KLHDC10: variants seen among roughly 807,000 people sequenced by gnomAD.
KLHDC10 encodes kelch domain containing 10.
A neutral mutation model predicts 56.1 loss-of-function variants in KLHDC10; 24 were observed. The ratio of observed to expected loss-of-function variants is 0.43; its 90% CI spans 0.31 to 0.60. The LOEUF is 0.60. KLHDC10 is among the 20% of genes least tolerant of loss of function. The pLI, the probability that KLHDC10 is intolerant of heterozygous loss-of-function variation, is 0.11. For synonymous variants in KLHDC10, 188 were observed against 207.1 expected (o/e 0.91, Z 0.79); for missense variants, 349 against 567.0 (o/e 0.62, Z 3.91).
intron 1 of KLHDC10, among the ~76,000 whole-genome samples, chr7:130,076,207 G>T (rs1212142910): frequency 6.6e-6 from 1 of 152,062 alleles, no homozygotes; most frequent in African/African-American, 2.4e-5. Flanking sequence ...TCTGACAGGA[G>T]GCCAAGCTCT....
At chr7:130,072,120 A>G (rs1018362902) in intron 1 of KLHDC10, among the ~76,000 whole-genome samples, 19 of 152,264 alleles carry the variant, frequency 1.2e-4, no homozygotes, top group African/African-American at 4.3e-4. Flanking sequence ...AAAAGGAGCA[A>G]TCTTTTTTCT....
intron 1 of KLHDC10, among the ~76,000 whole-genome samples, chr7:130,093,505 C>T (rs577051784): frequency 6.6e-6 from 1 of 152,256 alleles, no homozygotes; most frequent in South Asian, 2.1e-4. Flanking sequence ...GGAGTACAGG[C>T]ATGAGCCACC....
chr7:130,087,367 C>T (rs535318246), intron 1 of KLHDC10, among the ~76,000 whole-genome samples: 1 of 152,204 alleles, frequency 6.6e-6, no homozygotes, highest in East Asian at 1.9e-4. Context: ...CAGTAGCTTC[C>T]TGCTGCATTT....
chr7:130,111,449 A>G (rs1796099086), intron 2 of KLHDC10, among the ~76,000 whole-genome samples: 1 of 152,180 alleles, frequency 6.6e-6, no homozygotes, highest in South Asian at 2.1e-4. Flanking sequence ...TATGCCTGTG[A>G]TCCCAGCACT....
At chr7:130,091,189 G>A (rs999951778) in intron 1 of KLHDC10, among the ~76,000 whole-genome samples, 1 of 152,070 alleles carries the variant, frequency 6.6e-6, no homozygotes, top group Non-Finnish European at 1.5e-5. Context: ...CATTTCTCTG[G>A]GGTAAATGGC....
intron 1 of KLHDC10, among the ~76,000 whole-genome samples, chr7:130,078,035 A>G (rs925898746): frequency 6.6e-6 from 1 of 152,072 alleles, no homozygotes; most frequent in Admixed American, 6.6e-5. Context: ...ATTACTGAAT[A>G]ATGATAATTT....
Position 130,090,225 on chromosome 7 carries a change from T to A in KLHDC10, c.167-6696T>A, listed in dbSNP as rs116769841. 8.5e-3 allele frequency among the ~76,000 whole-genome samples: 1,293 copies of A among 152,282 alleles called. 14 individuals are homozygous for A. Among genetic ancestry groups the A allele is most frequent in the African/African-American group, 0.03 (1,249 of 41,558 alleles). On this transcript the variant is annotated intron_variant, in intron 1 of 9. Transcript: ENST00000335420. The stretch of plus-strand genomic sequence containing the variant: ...TTCCATATTGGCACCATCTTTTTTT[T>A]CTTCTTTTTGGTTTTTATTTAATTT...
rs1796411489 is a variant in KLHDC10, at chr7:130,132,227, A to T, written c.*1481A>T. 1 of 152,164 alleles carries T rather than the reference A, an allele frequency of 6.6e-6. No homozygotes were observed. The highest frequency in any genetic ancestry group is 2.4e-5 in the African/African-American group (1 of 41,426). 9.4% of individuals were successfully genotyped at this position (152,164 alleles called of 1,614,324 possible). A position where few individuals can be genotyped will look rare whatever the true frequency, so the allele number is the denominator to read the frequency against. ...GGCAGCGCTGGTCCTCCCGGGGCCA[A>T]CTCACAGCAGGAGACTCGCATGGGA... On this transcript the variant is annotated 3_prime_UTR_variant, in exon 10 of 10. Transcript: ENST00000335420.
rs1584637833 is a variant in KLHDC10, at chr7:130,120,248, A to G, written c.476-501A>G. ...TGGTATACTGGGTAGACTGTAGTTC[A>G]TGGAACTCAATATTATTATACACAG... On this transcript the variant is annotated intron_variant, in intron 3 of 9. Coordinates refer to ENST00000335420, the MANE Select transcript of KLHDC10 (RefSeq NM_014997.4). The surrounding 1 kb of genome is among the most constrained non-coding windows in gnomAD (Gnocchi z 5.1). Among the ~76,000 whole-genome samples, 1 of 152,338 alleles carries G rather than the reference A, an allele frequency of 6.6e-6. No individual in the cohort carries two copies. Among genetic ancestry groups the G allele is most frequent in the South Asian group, 2.1e-4 (1 of 4,828 alleles).
chr7:130,099,520 A>T (rs1006878250), intron 2 of KLHDC10, among the ~76,000 whole-genome samples: 5 of 152,214 alleles, frequency 3.3e-5, no homozygotes, highest in African/African-American at 1.2e-4. Context: ...GGCCATGAGG[A>T]TGACATCAGA....
At chr7:130,071,332 G>A (rs972998913) in intron 1 of KLHDC10, among the ~76,000 whole-genome samples, 5 of 152,136 alleles carry the variant, frequency 3.3e-5, no homozygotes, top group African/African-American at 9.7e-5. Context: ...AGAACCTAGA[G>A]GATTAGGGAA....
intron 7 of KLHDC10, among the ~76,000 whole-genome samples, chr7:130,126,873 C>T (rs1796323146): frequency 6.6e-6 from 1 of 152,022 alleles, no homozygotes; most frequent in African/African-American, 2.4e-5. Context: ...ATAATCCCAG[C>T]ACTTTGGGAG....
intron 4 of KLHDC10, among the ~76,000 whole-genome samples, chr7:130,121,105 T>G (rs927401797): frequency 1.3e-5 from 2 of 148,466 alleles, no homozygotes; most frequent in Non-Finnish European, 3.0e-5. Context: ...TCTTCCTTTC[T>G]TTTCTTTTTT....
Position 130,070,667 on chromosome 7 carries a change from C to G in KLHDC10, c.24C>G (p.Asp8Glu). ...TCATGTCGGCCGCCCAGGGCTGGGA[C>G]AGGAACCGCCGGAGGGGAGGAGGCG... MSAAQGW[D>E]RNRRRGGGAA... Residue 8 changes from aspartate to glutamate, a missense_variant, in exon 1 of 10, where the codon GAC becomes GAG. Physicochemically the swap from Asp to Glu is conservative, Grantham distance 45. This residue lies in a region of KLHDC10 where 104 missense variants were observed against 97.0 expected (regional missense o/e 1.07). Transcript: ENST00000335420. 1.5e-6 allele frequency: 2 copies of G among 1,310,822 alleles called. No homozygotes were observed. Among genetic ancestry groups the G allele is most frequent in the Non-Finnish European group, 9.8e-7 (1 of 1,024,182 alleles). 81.2% of individuals were successfully genotyped at this position (1,310,822 alleles called of 1,614,324 possible). A position where few individuals can be genotyped will look rare whatever the true frequency, so the allele number is the denominator to read the frequency against.
rs1476133376 is a variant in KLHDC10 at position 130,079,926 on chromosome 7, C to CT, written c.166+9118dup. Among the ~76,000 whole-genome samples the CT allele has an allele frequency of 7.9e-4, 57 of 72,038 alleles. 3 individuals are homozygous for CT. The highest frequency in any genetic ancestry group is 3.9e-3 in the African/African-American group (51 of 13,240). 47.3% of individuals were successfully genotyped at this position (72,038 alleles called of 152,430 possible). A position where few individuals can be genotyped will look rare whatever the true frequency, so the allele number is the denominator to read the frequency against. On this transcript the variant is annotated intron_variant, in intron 1 of 9. Coordinates refer to ENST00000335420, the MANE Select transcript of KLHDC10 (RefSeq NM_014997.4). Reference sequence around the variant, plus strand: ...CCTCCCTCCCTCCCTTCCTCCCTTTCTCGCTTCCTCCTTCCCTCCCTTCCT... The same window carrying CT: ...CCTCCCTCCCTCCCTTCCTCCCTTTCTTCGCTTCCTCCTTCCCTCCCTTCCT...
In KLHDC10 at chr7:130,116,130, C is replaced by T. The variant is rs35386412; in HGVS notation, c.254-315C>T. Among the ~76,000 whole-genome samples, 1,272 of 152,182 alleles carry T rather than the reference C, an allele frequency of 8.4e-3. 2 individuals are homozygous for T. The highest frequency in any genetic ancestry group is 0.014 in the Non-Finnish European group (955 of 68,000). Reference sequence around the variant, plus strand: ...TAGCTTTTGGATTATTAAATCTTTCCTCCTTCTTTTCTTGAAAATTTCAAG... The same window carrying T: ...TAGCTTTTGGATTATTAAATCTTTCTTCCTTCTTTTCTTGAAAATTTCAAG... On this transcript the variant is annotated intron_variant, in intron 2 of 9. Transcript: ENST00000335420. The surrounding 1 kb of genome is among the most constrained non-coding windows in gnomAD (Gnocchi z 4.8).
At position 130,124,547 on chromosome 7, in the gene KLHDC10, TA is replaced by T. The variant is rs761624516; in HGVS notation, c.864+17del. 2 of 1,428,180 alleles carry T rather than the reference TA, an allele frequency of 1.4e-6. 1 individual carries two copies. Among genetic ancestry groups the T allele is most frequent in the South Asian group, 2.4e-5 (2 of 84,588 alleles). 88.5% of individuals were successfully genotyped at this position (1,428,180 alleles called of 1,614,324 possible). On this transcript the variant is annotated intron_variant, in intron 6 of 9. Coordinates refer to ENST00000335420, the MANE Select transcript of KLHDC10 (RefSeq NM_014997.4). ...ATTCCTTAAACAAGGTATATTTTTT[TA>T]AAAAGAAAAAAAGGGAGAGGGAGAA...
chr7:130,079,144 G>A (rs1449830539), intron 1 of KLHDC10, among the ~76,000 whole-genome samples: 1 of 151,394 alleles, frequency 6.6e-6, no homozygotes, highest in Non-Finnish European at 1.5e-5. Context: ...TGCAACATCC[G>A]CCTCCTGGGT....
intron 1 of KLHDC10, among the ~76,000 whole-genome samples, chr7:130,074,472 C>T (rs1795469162): frequency 6.6e-6 from 1 of 151,948 alleles, no homozygotes; most frequent in Non-Finnish European, 1.5e-5. Context: ...ATATATATGC[C>T]ATATACATAT....
Sources: gnomAD v4.1 joint callset for allele counts (sites outside exome capture counted in the v4.1 genomes callset) on GRCh38, gnomAD v4.1.1 for gene constraint, gnomAD v4.1.1 regional missense constraint, Gnocchi (gnomAD v3.1) non-coding constraint, MANE v1.5 for transcripts, NCBI Gene and HGNC (gene_info 2026-07-23, HGNC 2026-07-21) for gene names.